The following SRPK2 variants were observed in gnomAD, a reference collection of about 807,000 sequenced individuals.
SRPK2 encodes SFRS protein kinase 2.
Under a neutral mutation model 90.8 loss-of-function variants are expected in SRPK2, and 21 were observed. The ratio of observed to expected loss-of-function variants is 0.23; its 90% CI spans 0.16 to 0.33. SRPK2 has a LOEUF of 0.33. SRPK2 is among the 10% of genes least tolerant of loss of function. The pLI, the probability that SRPK2 is intolerant of heterozygous loss-of-function variation, is 1.00. For synonymous variants in SRPK2, 288 were observed against 311.1 expected (o/e 0.93, Z 0.78); for missense variants, 620 against 869.0 (o/e 0.71, Z 3.60).
At chr7:105,271,097 C>T (rs977260672) in intron 2 of SRPK2, among the ~76,000 whole-genome samples, 18 of 152,176 alleles carry the variant, frequency 1.2e-4, no homozygotes, top group South Asian at 4.1e-4. Context: ...GAATTGTGCT[C>T]CATGTATCAA....
At chr7:105,249,789 A>C (rs1229624266) in intron 2 of SRPK2, among the ~76,000 whole-genome samples, 1 of 152,252 alleles carries the variant, frequency 6.6e-6, no homozygotes, top group Non-Finnish European at 1.5e-5. Context: ...CAAATAAAAA[A>C]TATTAAAATG....
chr7:105,183,736 C>T lies in SRPK2; in HGVS notation c.230-14471G>A, dbSNP rs568647454. The stretch of plus-strand genomic sequence containing the variant: ...AATTCCTGACCTCAAATGATCTGCC[C>T]ACCTTGGCCTCCCAAACTGCTAGGG... On this transcript the variant is annotated intron_variant, in intron 3 of 15. Coordinates refer to ENST00000393651, the MANE Select transcript of SRPK2 (RefSeq NM_182692.3). Among the ~76,000 whole-genome samples the T allele has an allele frequency of 5.9e-5, 9 of 152,182 alleles. No homozygotes were observed. In the East Asian group the frequency reaches 1.6e-3, roughly 26 times the overall value.
intron 2 of SRPK2, among the ~76,000 whole-genome samples, chr7:105,210,441 A>G (rs1159356423): frequency 6.6e-6 from 1 of 152,114 alleles, no homozygotes; most frequent in East Asian, 1.9e-4. Flanking sequence ...CCAATTTCTA[A>G]TTAATAGTAG....
chr7:105,164,035 C>T, intron 6 of SRPK2, among the ~76,000 whole-genome samples: 1 of 152,186 alleles, frequency 6.6e-6, no homozygotes, highest in East Asian at 1.9e-4. Flanking sequence ...GATCCTGAGG[C>T]ATTTCTTCAA....
At chr7:105,374,083 C>A (rs559376198) in intron 2 of SRPK2, among the ~76,000 whole-genome samples, 11 of 152,064 alleles carry the variant, frequency 7.2e-5, no homozygotes, top group Non-Finnish European at 1.5e-4. Context: ...CATGCCACCA[C>A]GCCCAGCTAA....
At chr7:105,269,023 A>C (rs1805477446) in intron 2 of SRPK2, 1 of 1,328,792 alleles carries the variant, frequency 7.5e-7, no homozygotes. Context: ...TGGTGCTATA[A>C]AGGGAAAAAG....
At chr7:105,351,696 C>A (rs187298384) in intron 2 of SRPK2, among the ~76,000 whole-genome samples, 1 of 151,022 alleles carries the variant, frequency 6.6e-6, no homozygotes, top group Admixed American at 6.6e-5. Flanking sequence ...CCCAGCTACT[C>A]GGGAGGCTGA....
intron 11 of SRPK2, among the ~76,000 whole-genome samples, chr7:105,133,715 G>T (rs531942084): frequency 6.6e-6 from 1 of 152,310 alleles, no homozygotes; most frequent in Non-Finnish European, 1.5e-5. Flanking sequence ...AACTATTCTG[G>T]TTTTGTTTTA....
Position 105,133,119 on chromosome 7 carries a change from C to G in SRPK2, c.1544-15G>C. The G allele has an allele frequency of 6.2e-7, 1 of 1,612,750 alleles. No individual in the cohort carries two copies. The highest frequency in any genetic ancestry group is 1.1e-5 in the South Asian group (1 of 91,058). On this transcript the variant is annotated splice_polypyrimidine_tract_variant and intron_variant, in intron 11 of 15. Coordinates refer to ENST00000393651, the MANE Select transcript of SRPK2 (RefSeq NM_182692.3). ...CCGGGTTTTTGCTGGCATGAGCAAACAGCAGGACAGTTAGTGATCGGGATA... is the reference window on the plus strand; with the variant it reads ...CCGGGTTTTTGCTGGCATGAGCAAAGAGCAGGACAGTTAGTGATCGGGATA...
Position 105,143,162 on chromosome 7 carries a change from C to T in SRPK2, c.982G>A (p.Gly328Ser). 6.2e-7 allele frequency: 1 copy of T among 1,614,198 alleles called. No homozygotes were observed. The highest frequency in any genetic ancestry group is 8.5e-7 in the Non-Finnish European group (1 of 1,180,034). Reference sequence around the variant, plus strand: ...AGTTTCACCTCTGGGCAGTATTCGCCATCCTGGTCATTGGAAGGTGCAGCT... The same window carrying T: ...AGTTTCACCTCTGGGCAGTATTCGCTATCCTGGTCATTGGAAGGTGCAGCT... Reference protein sequence around the residue: ...TSAAPSNDQDGEYCPEVKLKT... With the variant: ...TSAAPSNDQDSEYCPEVKLKT... Residue 328 changes from glycine (G) to serine (S), a missense_variant, in exon 10 of 16, where the codon GGC becomes AGC. Gly to Ser is a moderately conservative substitution (Grantham distance 56). This residue lies in a region of SRPK2 where 243 missense variants were observed against 245.7 expected (regional missense o/e 0.99). Coordinates refer to ENST00000393651, the MANE Select transcript of SRPK2 (RefSeq NM_182692.3).
chr7:105,210,630 GCTTCT>G (rs565124924), intron 2 of SRPK2, among the ~76,000 whole-genome samples: 109 of 152,244 alleles, frequency 7.2e-4, no homozygotes, highest in African/African-American at 2.4e-3. Context: ...TAAATCTCCT[GCTTCT>G]CTTGAGTATG....
chr7:105,253,014 A>G (rs1802695322), intron 2 of SRPK2, among the ~76,000 whole-genome samples: 2 of 152,168 alleles, frequency 1.3e-5, no homozygotes, highest in African/African-American at 4.8e-5. Context: ...AAGTCCTGGG[A>G]TTACAGGCGT....
At chr7:105,306,500 A>G (rs1394240785) in intron 2 of SRPK2, 3 of 454,920 alleles carry the variant, frequency 6.6e-6, no homozygotes, top group Admixed American at 2.4e-5. Context: ...AAAAACCAAC[A>G]CTTCCTTTGA....
Position 105,145,300 on chromosome 7 carries a change from C to A in SRPK2, c.796G>T (p.Ala266Ser). Residue 266 changes from alanine (A) to serine (S), a missense_variant, in exon 9 of 16, where the codon GCT becomes TCT. Transcript: ENST00000393651. ...PPPSGSAVST[A>S]PQQKPIGKIS... ...GTACTTACAGGTTTCTGCTGTGGAG[C>A]CGTACTCACTAAAATAAAATCAAAC... is the stretch of plus-strand genomic sequence containing the variant. The A allele has an allele frequency of 6.3e-7, 1 of 1,591,560 alleles. No homozygotes were observed. The highest frequency in any genetic ancestry group is 8.6e-7 in the Non-Finnish European group (1 of 1,168,610).
chr7:105,158,823 T>C (rs1170920803), intron 7 of SRPK2, among the ~76,000 whole-genome samples: 3 of 151,768 alleles, frequency 2.0e-5, no homozygotes, highest in African/African-American at 7.3e-5. Context: ...TTTTTTTTTT[T>C]TTTTAAAGAC....
chr7:105,150,407 C>G (rs1377875012), intron 7 of SRPK2, among the ~76,000 whole-genome samples: 2 of 152,074 alleles, frequency 1.3e-5, no homozygotes, highest in Admixed American at 1.3e-4. Context: ...AGGTAGCACA[C>G]GCCTGTAATC....
intron 6 of SRPK2, among the ~76,000 whole-genome samples, chr7:105,163,720 A>C (rs1158872130): frequency 6.6e-6 from 1 of 152,180 alleles, no homozygotes; most frequent in African/African-American, 2.4e-5. Flanking sequence ...CTGAGGCAGG[A>C]GAATCTCTTG....
At chr7:105,164,713 T>C (rs562337646) in intron 6 of SRPK2, among the ~76,000 whole-genome samples, 2 of 152,310 alleles carry the variant, frequency 1.3e-5, no homozygotes, top group South Asian at 2.1e-4. Flanking sequence ...CTCAAATATA[T>C]AGAGTGAAGG....
At chr7:105,236,467 C>T (rs922681925) in intron 2 of SRPK2, among the ~76,000 whole-genome samples, 18 of 151,972 alleles carry the variant, frequency 1.2e-4, no homozygotes, top group Admixed American at 1.3e-4. Flanking sequence ...CACTTACAGG[C>T]AGCAGATTCA....
Sources: gnomAD v4.1 joint callset for allele counts (sites outside exome capture counted in the v4.1 genomes callset) on GRCh38, gnomAD v4.1.1 for gene constraint, gnomAD v4.1.1 regional missense constraint, MANE v1.5 for transcripts, NCBI Gene and HGNC (gene_info 2026-07-23, HGNC 2026-07-21) for gene names.